Variants in ADCY2 observed in about 807,000 individuals in gnomAD.
ADCY2 encodes adenylate cyclase type 2.
Under a neutral mutation model 125.2 loss-of-function variants are expected in ADCY2, and 31 were observed. That is an observed-to-expected ratio of 0.25 (90% CI 0.19 to 0.33). The LOEUF is 0.33. Among genes scored for constraint, ADCY2 ranks in the 10% least tolerant of loss-of-function variants. ADCY2 has a pLI of 1.00. For missense variants in ADCY2, 904 were observed against 1,418.2 expected, an observed-to-expected ratio of 0.64 and a Z score of 5.82; for synonymous variants, 512 against 548.4, an observed-to-expected ratio of 0.93 and a Z score of 0.93.
intron 11 of ADCY2, among the ~76,000 whole-genome samples, chr5:7,715,088 G>A (rs1462213201): frequency 6.6e-6 from 1 of 152,186 alleles, no homozygotes; most frequent in Non-Finnish European, 1.5e-5. Context: ...GAAGACTCCT[G>A]GTGGGGAGAT....
At chr5:7,397,441 G>A (rs1198706962) in intron 1 of ADCY2, among the ~76,000 whole-genome samples, 1 of 123,738 alleles carries the variant, frequency 8.1e-6, no homozygotes, top group Non-Finnish European at 1.6e-5. Flanking sequence ...TTATCCACCA[G>A]TGAGTTTTTT....
intron 3 of ADCY2, among the ~76,000 whole-genome samples, chr5:7,566,250 G>A (rs553257289): frequency 1.7e-3 from 259 of 152,276 alleles, no homozygotes; most frequent in Non-Finnish European, 2.8e-3. Context: ...ACACTAGGAG[G>A]CCAAGGCAGA....
At chr5:7,700,261 G>C (rs940602155) in intron 7 of ADCY2, among the ~76,000 whole-genome samples, 10 of 151,996 alleles carry the variant, frequency 6.6e-5, no homozygotes, top group African/African-American at 1.5e-4. Flanking sequence ...TGCTTATATA[G>C]GATAGTGATA....
At chr5:7,781,849 A>C (rs1743931375) in intron 18 of ADCY2, among the ~76,000 whole-genome samples, 1 of 152,124 alleles carries the variant, frequency 6.6e-6, no homozygotes, top group African/African-American at 2.4e-5. Flanking sequence ...ACACACAAAG[A>C]GTGAGGTGAT....
At position 7,598,212 on chromosome 5, in the gene ADCY2, C is replaced by T. The variant is rs186537307; in HGVS notation, c.571-27955C>T. On this transcript the variant is annotated intron_variant, in intron 3 of 24. Coordinates refer to ENST00000338316, the MANE Select transcript of ADCY2 (RefSeq NM_020546.3). The stretch of plus-strand genomic sequence containing the variant: ...TACAGTCACTTCCGTAGTGGCCAAA[C>T]GTTAGAGAAAGGGAAAGGTGGGAGT... Among the ~76,000 whole-genome samples the T allele has an allele frequency of 3.1e-3, 469 of 152,158 alleles. 1 individual carries two copies. The highest frequency in any genetic ancestry group is 5.7e-3 in the Admixed American group (87 of 15,300).
At chr5:7,539,840 G>A (rs949185549) in intron 3 of ADCY2, among the ~76,000 whole-genome samples, 1 of 152,198 alleles carries the variant, frequency 6.6e-6, no homozygotes, top group African/African-American at 2.4e-5. Context: ...TTCGGGCTTG[G>A]CCCATGGGCC....
intron 2 of ADCY2, among the ~76,000 whole-genome samples, chr5:7,454,199 T>A (rs1157291308): frequency 6.6e-6 from 1 of 152,198 alleles, no homozygotes; most frequent in Non-Finnish European, 1.5e-5. Flanking sequence ...GCAAGACCTT[T>A]CATCAGCAAA....
At chr5:7,495,131 C>A (rs1401234532) in intron 2 of ADCY2, among the ~76,000 whole-genome samples, 1 of 152,218 alleles carries the variant, frequency 6.6e-6, no homozygotes, top group Non-Finnish European at 1.5e-5. Flanking sequence ...ATCTTTAGTG[C>A]AGTCTAGTCT....
chr5:7,654,991 A>T (rs866248301), intron 4 of ADCY2, among the ~76,000 whole-genome samples: 12 of 152,160 alleles, frequency 7.9e-5, no homozygotes, highest in Non-Finnish European at 1.5e-4. Flanking sequence ...CGTGTTTCAA[A>T]TTTTAGATGC....
chr5:7,711,671 A>G (rs2126364090), intron 10 of ADCY2, among the ~76,000 whole-genome samples: 1 of 152,318 alleles, frequency 6.6e-6, no homozygotes, highest in East Asian at 1.9e-4. Context: ...TGTGTTGATG[A>G]AGATGCCTTC....
intron 14 of ADCY2, among the ~76,000 whole-genome samples, chr5:7,733,097 G>A (rs375904807): frequency 6.6e-6 from 1 of 152,056 alleles, no homozygotes; most frequent in African/African-American, 2.4e-5. Context: ...CAGTCATGAG[G>A]GCAATTGTTA....
intron 14 of ADCY2, among the ~76,000 whole-genome samples, chr5:7,727,545 G>A (rs576357819): frequency 6.6e-6 from 1 of 152,254 alleles, no homozygotes; most frequent in East Asian, 1.9e-4. Context: ...CTGATGCGCA[G>A]TCTAGGAAAT....
chr5:7,512,961 T>C (rs1341965000), intron 2 of ADCY2, among the ~76,000 whole-genome samples: 1 of 152,040 alleles, frequency 6.6e-6, no homozygotes, highest in Admixed American at 6.6e-5. Flanking sequence ...GACCCTCTCT[T>C]GGTTGTATAC....
At position 7,674,178 on chromosome 5, in the gene ADCY2, G is replaced by A. The variant is rs145744513; in HGVS notation, c.721-16513G>A. Among the ~76,000 whole-genome samples the A allele has an allele frequency of 6.2e-3, 938 of 152,268 alleles. 7 individuals are homozygous for A. Among genetic ancestry groups the A allele is most frequent in the African/African-American group, 0.022 (908 of 41,542 alleles). On this transcript the variant is annotated intron_variant, in intron 4 of 24. Coordinates refer to ENST00000338316, the MANE Select transcript of ADCY2 (RefSeq NM_020546.3). ...ACTCCTTGCACTTGTGGTGGTGGTC[G>A]TGGTGAGGTTGTTTTCTGCTTCATT...
At chr5:7,498,235 T>C (rs954075813) in intron 2 of ADCY2, among the ~76,000 whole-genome samples, 2 of 148,558 alleles carry the variant, frequency 1.3e-5, no homozygotes, top group Non-Finnish European at 3.0e-5. Flanking sequence ...CTTTTTCTTT[T>C]TTCGTTTTTT....
chr5:7,570,752 A>G (rs1186909066), intron 3 of ADCY2, among the ~76,000 whole-genome samples: 1 of 152,176 alleles, frequency 6.6e-6, no homozygotes, highest in African/African-American at 2.4e-5. Flanking sequence ...ACTTTCTTTC[A>G]AGTCACAATA....
chr5:7,728,380 A>G (rs1162740183), intron 14 of ADCY2, among the ~76,000 whole-genome samples: 4 of 152,196 alleles, frequency 2.6e-5, no homozygotes, highest in Admixed American at 1.3e-4. Context: ...TTGTTCATGT[A>G]TGTACAGTTC....
At chr5:7,672,538 A>C (rs1443738521) in intron 4 of ADCY2, among the ~76,000 whole-genome samples, 2 of 152,028 alleles carry the variant, frequency 1.3e-5, no homozygotes, top group African/African-American at 4.8e-5. Context: ...TCTATCACCC[A>C]GGCTAGGCTA....
intron 2 of ADCY2, among the ~76,000 whole-genome samples, chr5:7,448,300 C>T (rs1326845988): frequency 2.6e-5 from 4 of 152,272 alleles, no homozygotes; most frequent in South Asian, 2.1e-4. Context: ...TGAAGAATGT[C>T]GTGTGCCAGA....
Sources: allele counts gnomAD v4.1 joint callset (sites outside exome capture counted in the v4.1 genomes callset), GRCh38; gene constraint gnomAD v4.1.1; transcripts MANE v1.5; gene names NCBI Gene and HGNC (gene_info 2026-07-23, HGNC 2026-07-21).